The following CCDC187 variants were observed in gnomAD, a reference collection of about 807,000 sequenced individuals.
CCDC187 encodes coiled-coil domain containing 187, also known as coiled-coil domain-containing protein 187.
A neutral mutation model predicts 38.0 loss-of-function variants in CCDC187; 32 were observed. That is an observed-to-expected ratio of 0.84 (90% confidence interval 0.64 to 1.13). The LOEUF (loss-of-function observed/expected upper bound fraction) is 1.13, where lower values mean the gene tolerates loss of function less well. Ranked by LOEUF, CCDC187 falls within the 50% of genes most tolerant of loss-of-function variation. The pLI, the probability that CCDC187 is intolerant of heterozygous loss-of-function variation, is 0.00. For synonymous variants in CCDC187, 333 were observed against 347.9 expected, an observed-to-expected ratio of 0.96 and a Z score of 0.48; for missense variants, 707 against 786.8, an observed-to-expected ratio of 0.90 and a Z score of 1.21.
chr9:136,260,177 G>T lies in CCDC187; in HGVS notation c.4152C>A (p.Gly1384=), dbSNP rs1036625493. Residue 1384 remains glycine (G), a synonymous_variant, in exon 20 of 26, where the codon GGC becomes GGA. Transcript: ENST00000638797. ...GHQQPPRPAW[G]EDTHDPQGPL... ...GGCCCTGGGGGTCGTGTGTGTCCTC[G>T]CCCCATGCTGGCCTCGGAGGCTGCT... 3 of 985,394 alleles carry T rather than the reference G, an allele frequency of 3.0e-6. No homozygotes were observed. The highest frequency in any genetic ancestry group is 3.6e-6 in the Non-Finnish European group (3 of 830,002). The allele number at this position is 985,394 out of a possible 1,614,324, so 61.0% of individuals were successfully genotyped here.
At position 136,291,279 on chromosome 9, in the gene CCDC187, T is replaced by C; in HGVS notation, c.1334A>G (p.His445Arg). Residue 445 changes from histidine (H) to arginine (R), a missense_variant, in exon 6 of 26, where the codon CAC (histidine) becomes CGC (arginine). His to Arg is a conservative substitution (Grantham distance 29, BLOSUM62 0). Coordinates refer to ENST00000638797, the MANE Select transcript of CCDC187 (RefSeq NM_001378188.1). ...HSSLERARSV[H>R]TWEPWSSSTA... is the part of the protein sequence containing the mutation. ...GGAGGAGCTCCAGGGCTCCCAGGTG[T>C]GGACACTCCTAGCCCTCTCTAAAGA... 1 of 398,798 alleles carries C rather than the reference T, an allele frequency of 2.5e-6. No individual in the cohort carries two copies. The allele number at this position is 398,798 out of a possible 1,614,324, so 24.7% of individuals were successfully genotyped here.
rs929533532 is a variant in CCDC187, at chr9:136,291,714, G to C, written c.968-69C>G. On this transcript the variant is annotated intron_variant, in intron 5 of 25. Transcript: ENST00000638797. ...GAGAGCAAAGCCAGCTCCTCCATCC[G>C]GGCTGGAGGCAAGGAGTGTGGGGGC... is the stretch of plus-strand genomic sequence containing the variant. 2.6e-3 allele frequency: 1,045 copies of C among 398,466 alleles called. 11 individuals are homozygous for C. The highest frequency in any genetic ancestry group is 0.018 in the African/African-American group (864 of 48,758). 24.7% of individuals were successfully genotyped at this position (398,466 alleles called of 1,614,324 possible).
At chr9:136,291,918 C>T (rs1831340807) in intron 5 of CCDC187, among the ~76,000 whole-genome samples, 1 of 152,234 alleles carries the variant, frequency 6.6e-6, no homozygotes, top group African/African-American at 2.4e-5. Flanking sequence ...AGCATGCCTG[C>T]CCCGGGAACT....
At chr9:136,300,556 G>C (rs1004941489) in intron 2 of CCDC187, among the ~76,000 whole-genome samples, 5 of 152,028 alleles carry the variant, frequency 3.3e-5, no homozygotes, top group Non-Finnish European at 5.9e-5. Context: ...TGGGCCAACA[G>C]GTGCTGGCCA....
Position 136,286,445 on chromosome 9 carries a change from G to A in CCDC187, c.2473C>T (p.Gln825Ter), listed in dbSNP as rs1831183540. ...ACTTTGGCTGTGGTCTCTAGCGCCT[G>A]CAGCTGCGCCTGCTTATGCCGGAGG... Reference protein sequence around the residue: ...LHLRHKQAQLQALETTAKVLK... With the variant: ...LHLRHKQAQL The change falls in exon 8 of 26, where the codon CAG becomes TAG. Residue 825 changes from glutamine to a stop codon, truncating the protein, a stop_gained. Transcript: ENST00000638797. LOFTEE classifies it high-confidence loss of function. The A allele has an allele frequency of 1.0e-5, 4 of 398,618 alleles. No homozygotes were observed. The highest frequency in any genetic ancestry group is 7.1e-5 in the East Asian group (2 of 28,090). 24.7% of individuals were successfully genotyped at this position (398,618 alleles called of 1,614,324 possible).
chr9:136,263,388 C>T (rs1015657270), intron 18 of CCDC187, among the ~76,000 whole-genome samples: 6 of 152,160 alleles, frequency 3.9e-5, no homozygotes, highest in Admixed American at 2.0e-4. Context: ...GCACCCACCA[C>T]CTTGCCTGGA....
At chr9:136,305,851 T>C (rs985070273), upstream of CCDC187, among the ~76,000 whole-genome samples, 141 of 152,316 alleles carry the variant, frequency 9.3e-4, 2 homozygotes, top group Non-Finnish European at 1.2e-3. Context: ...CCTCCCCACC[T>C]GCCCTGGGGG....
chr9:136,265,139 C>T lies in CCDC187; in HGVS notation c.3735+817G>A, dbSNP rs184880736. Among the ~76,000 whole-genome samples the T allele has an allele frequency of 7.7e-4, 117 of 152,314 alleles. 2 individuals are homozygous for T. The East Asian group carries it at 0.021, about 27-fold the overall frequency. ...AGTGAGGATGCAGGCACAGCGGCCG[C>T]GACCTGTGAGGAGCCCTTGAGCCTG... On this transcript the variant is annotated intron_variant, in intron 17 of 25. Transcript: ENST00000638797.
intron 14 of CCDC187, among the ~76,000 whole-genome samples, chr9:136,268,444 G>A (rs879952493): frequency 1.3e-5 from 2 of 152,166 alleles, no homozygotes; most frequent in African/African-American, 4.8e-5. Context: ...GAGGCCCAGA[G>A]AGGGAGAAGG....
intron 3 of CCDC187, among the ~76,000 whole-genome samples, chr9:136,298,276 C>T (rs1831584135): frequency 6.6e-6 from 1 of 152,200 alleles, no homozygotes; most frequent in African/African-American, 2.4e-5. Flanking sequence ...TGGCAGCGGC[C>T]GGACTGAACA....
intron 2 of CCDC187, among the ~76,000 whole-genome samples, chr9:136,302,166 T>C (rs1432848561): frequency 6.6e-6 from 1 of 151,992 alleles, no homozygotes; most frequent in Non-Finnish European, 1.5e-5. Flanking sequence ...CCAGCCTGGG[T>C]GACAGAGCGA....
At chr9:136,283,584 C>A (rs1167172753) in intron 9 of CCDC187, among the ~76,000 whole-genome samples, 2 of 152,236 alleles carry the variant, frequency 1.3e-5, no homozygotes, top group Admixed American at 1.3e-4. Context: ...TCTGCCGCCT[C>A]GGCAGGGCTG....
At chr9:136,294,292 A>C (rs985704091) in intron 4 of CCDC187, among the ~76,000 whole-genome samples, 1 of 148,076 alleles carries the variant, frequency 6.8e-6, no homozygotes, top group Non-Finnish European at 1.5e-5. Context: ...ATGTGCTCTC[A>C]CTCTCACACG....
rs990693569 is a variant in CCDC187 at position 136,286,404 on chromosome 9, G to C, written c.2514C>G (p.Val838=). The C allele has an allele frequency of 5.0e-6, 2 of 398,684 alleles. No homozygotes were observed. Among genetic ancestry groups the C allele is most frequent in the Non-Finnish European group, 4.4e-6 (1 of 226,088 alleles). 24.7% of individuals were successfully genotyped at this position (398,684 alleles called of 1,614,324 possible). A position where few individuals can be genotyped will look rare whatever the true frequency, so the allele number is the denominator to read the frequency against. Reference sequence around the variant, plus strand: ...CCTGCAGCTTGGCGGTGAGGCTATCGACCCGCTGCTTGAGGACTTTGGCTG... The same window carrying C: ...CCTGCAGCTTGGCGGTGAGGCTATCCACCCGCTGCTTGAGGACTTTGGCTG... ...ETTAKVLKQR[V]DSLTAKLQGA... The change falls in exon 8 of 26, where the codon GTC becomes GTG. Residue 838 remains valine, a synonymous_variant. Transcript: ENST00000638797.
chr9:136,301,893 AT>A (rs1298142814), intron 2 of CCDC187, among the ~76,000 whole-genome samples: 5 of 151,686 alleles, frequency 3.3e-5, no homozygotes, highest in African/African-American at 7.3e-5. Context: ...CGGACTACAT[AT>A]TTTTTTTAAT....
chr9:136,262,279 G>A (rs1220333456), intron 19 of CCDC187, 32 bp downstream of exon 19: 2 of 985,918 alleles, frequency 2.0e-6, no homozygotes, highest in South Asian at 4.7e-5. Context: ...TCCAGACCCC[G>A]ACCCCCGACC....
chr9:136,291,389 C>A lies in CCDC187; in HGVS notation c.1224G>T (p.Val408=). The change falls in exon 6 of 26, where the codon GTG becomes GTT. Residue 408 remains valine, a synonymous_variant. Transcript: ENST00000638797. ...LGPSKRRLQD[V]AGRGCCRDPN... ...GGTCCCTGCAGCAGCCCCTCCCTGC[C>A]ACGTCCTGCAGCCTCCGCTTTGATG... 2.5e-6 allele frequency: 1 copy of A among 399,024 alleles called. No homozygotes were observed. Among genetic ancestry groups the A allele is most frequent in the East Asian group, 3.6e-5 (1 of 28,076 alleles). The allele number at this position is 399,024 out of a possible 1,614,324, so 24.7% of individuals were successfully genotyped here. A position where few individuals can be genotyped will look rare whatever the true frequency, so the allele number is the denominator to read the frequency against.
chr9:136,262,438 CG>C lies in CCDC187; in HGVS notation c.3936del (p.Ala1313ProfsTer19). 1.0e-6 allele frequency: 1 copy of C among 985,818 alleles called. No individual in the cohort carries two copies. The allele number at this position is 985,818 out of a possible 1,614,324, so 61.1% of individuals were successfully genotyped here. ...CTTGTCTCTGAGCCTCCCTCCCAGG[CG>C]GCCTTGACTTTGGGGCTGGAACCCT... Reference protein sequence around the residue: ...LQQGSSPKVKAAWEGGSETSQ... With the variant: ...LQQGSSPKVKXAWEGGSETSQ... On this transcript the variant is annotated frameshift_variant, in exon 19 of 26. Coordinates refer to ENST00000638797, the MANE Select transcript of CCDC187 (RefSeq NM_001378188.1). LOFTEE classifies it high-confidence loss of function.
chr9:136,291,815 G>A (rs1831339328), intron 5 of CCDC187, among the ~76,000 whole-genome samples, 170 bp from the exon 6 acceptor site: 3 of 152,186 alleles, frequency 2.0e-5, no homozygotes, highest in Admixed American at 6.5e-5. Context: ...ATGAGCCACC[G>A]CTCTGCACAC....
Sources: allele counts gnomAD v4.1 joint callset (sites outside exome capture counted in the v4.1 genomes callset), GRCh38; gene constraint gnomAD v4.1.1; transcripts MANE v1.5; gene names NCBI Gene and HGNC (gene_info 2026-07-23, HGNC 2026-07-21).